Variants in SCN2A observed in about 807,000 individuals in gnomAD.
SCN2A encodes the protein sodium voltage-gated channel alpha subunit 2.
SCN2A carries 20 observed loss-of-function variants against 188.7 expected under a neutral mutation model. The ratio of observed to expected loss-of-function variants is 0.11; its 90% confidence interval spans 0.07 to 0.15. SCN2A has a LOEUF of 0.15. Ranked by LOEUF, SCN2A falls within the 10% of genes least tolerant of loss-of-function variation. The probability of loss-of-function intolerance (pLI) is 1.00; values close to 1 mark genes in which losing one functional copy is unlikely to be tolerated. For missense variants in SCN2A, 1,278 were observed against 2,445.0 expected (o/e 0.52, Z 10.07); for synonymous variants, 804 against 833.1 (o/e 0.97, Z 0.60).
Position 165,310,538 on chromosome 2 carries a change from A to G in SCN2A, c.913A>G (p.Thr305Ala). 6.2e-7 allele frequency: 1 copy of G among 1,612,990 alleles called. No homozygotes were observed. Among genetic ancestry groups the G allele is most frequent in the East Asian group, 2.2e-5 (1 of 44,872 alleles). Residue 305 changes from threonine (T) to alanine (A), a missense_variant, in exon 7 of 27, where the codon ACT (threonine) becomes GCT (alanine). Coordinates refer to ENST00000375437, the MANE Select transcript of SCN2A (RefSeq NM_001040142.2). The stretch of plus-strand genomic sequence containing the variant: ...TAACAATTCATTGGATGGGAATGGT[A>G]CTACTTTCAATAGGACAGTGAGCAT... The part of the protein sequence containing the change: ...FFNNSLDGNG[T>A]TFNRTVSIFN...
chr2:165,298,930 CA>C (rs3835931), intron 3 of SCN2A, among the ~76,000 whole-genome samples: 32,659 of 151,416 alleles, frequency 0.22, 3,870 homozygotes, highest in Non-Finnish European at 0.27. Context: ...GAATCAGATA[CA>C]AAAAAAGTGA....
intron 22 of SCN2A, 115 bp downstream of exon 22, chr2:165,375,081 A>G: frequency 3.3e-6 from 3 of 909,588 alleles, no homozygotes; most frequent in Admixed American, 4.3e-5. Context: ...CAGATAAATG[A>G]CAATAAATGC....
chr2:165,358,871 C>T (rs559114820), intron 17 of SCN2A, among the ~76,000 whole-genome samples: 1 of 152,196 alleles, frequency 6.6e-6, no homozygotes, highest in East Asian at 1.9e-4. Context: ...AACGTAACAT[C>T]ATTCTATGGG....
At chr2:165,318,882 A>G (rs1411408019) in intron 11 of SCN2A, among the ~76,000 whole-genome samples, 1 of 152,222 alleles carries the variant, frequency 6.6e-6, no homozygotes, top group Non-Finnish European at 1.5e-5. Flanking sequence ...AGGAGACACG[A>G]AAAAGGATGG....
At chr2:165,368,177 C>T (rs1700828856) in intron 19 of SCN2A, among the ~76,000 whole-genome samples, 1 of 152,120 alleles carries the variant, frequency 6.6e-6, no homozygotes, top group African/African-American at 2.4e-5. Flanking sequence ...TAATCTTCCC[C>T]TGGAGTCTGG....
At chr2:165,343,052 T>C (rs1157094712) in intron 15 of SCN2A, among the ~76,000 whole-genome samples, 2 of 152,228 alleles carry the variant, frequency 1.3e-5, no homozygotes, top group Non-Finnish European at 2.9e-5. Flanking sequence ...TTTGATCTTT[T>C]ATAAAAACTA....
chr2:165,350,607 A>G (rs987347579), intron 16 of SCN2A, among the ~76,000 whole-genome samples: 9 of 146,780 alleles, frequency 6.1e-5, no homozygotes, highest in Admixed American at 2.0e-4. Flanking sequence ...CAAGTAGCTG[A>G]GACTACAGGC....
intron 1 of SCN2A, among the ~76,000 whole-genome samples, chr2:165,256,080 A>T (rs1441072106): frequency 2.2e-5 from 3 of 136,074 alleles, no homozygotes; most frequent in Non-Finnish European, 4.5e-5. Context: ...GTCTCGGCTC[A>T]CTACAACCTC....
At chr2:165,262,521 C>T (rs1372818169) in intron 1 of SCN2A, among the ~76,000 whole-genome samples, 1 of 152,070 alleles carries the variant, frequency 6.6e-6, no homozygotes, top group Non-Finnish European at 1.5e-5. Flanking sequence ...TCTCCAATTC[C>T]ATCAAAATTG....
At chr2:165,329,720 T>C (rs1698572956) in intron 13 of SCN2A, among the ~76,000 whole-genome samples, 1 of 152,198 alleles carries the variant, frequency 6.6e-6, no homozygotes, top group African/African-American at 2.4e-5. Flanking sequence ...TTGTAGTTTC[T>C]TTTTTGTTAT....
At chr2:165,377,762 C>A (rs577049081) in intron 23 of SCN2A, 112 bp downstream of exon 23, 2 of 810,872 alleles carry the variant, frequency 2.5e-6, no homozygotes, top group Admixed American at 2.3e-5. Flanking sequence ...TTTATAAAAC[C>A]CATCTATATT....
chr2:165,263,700 C>G (rs1365070878), intron 1 of SCN2A, among the ~76,000 whole-genome samples: 1 of 151,850 alleles, frequency 6.6e-6, no homozygotes, highest in Non-Finnish European at 1.5e-5. Flanking sequence ...TATGCGGGCT[C>G]TTTTTATTTT....
intron 10 of SCN2A, among the ~76,000 whole-genome samples, 200 bp from the exon 11 acceptor site, chr2:165,315,271 C>T (rs1697669273): frequency 6.6e-6 from 1 of 152,082 alleles, no homozygotes; most frequent in Non-Finnish European, 1.5e-5. Flanking sequence ...TCATAAAAGT[C>T]GTATGTATCA....
intron 7 of SCN2A, chr2:165,310,818 C>T (rs867697197): frequency 3.7e-6 from 1 of 273,390 alleles, no homozygotes; most frequent in Non-Finnish European, 6.8e-6. Context: ...GTCTTATACT[C>T]ATGTTGAAAG....
Position 165,331,327 on chromosome 2 carries a change from C to T in SCN2A, c.2150-3C>T. ...ATGAGGATTCTAACTTTTTTTCTTC[C>T]AGAACTTGAAGAATCCAGACAGAAA... On this transcript the variant is annotated splice_polypyrimidine_tract_variant and splice_region_variant and intron_variant, in intron 13 of 26. Transcript: ENST00000375437. The T allele has an allele frequency of 6.2e-7, 1 of 1,607,136 alleles. No individual in the cohort carries two copies. Among genetic ancestry groups the T allele is most frequent in the Non-Finnish European group, 8.5e-7 (1 of 1,174,130 alleles).
chr2:165,257,455 G>A (rs182079225), intron 1 of SCN2A, among the ~76,000 whole-genome samples: 26 of 152,154 alleles, frequency 1.7e-4, no homozygotes, highest in Non-Finnish European at 7.4e-5. Context: ...TTTAATCATA[G>A]CCATTCTGAC....
At chr2:165,310,737 C>T in intron 7 of SCN2A, 142 bp downstream of exon 7, 1 of 515,322 alleles carries the variant, frequency 1.9e-6, no homozygotes, top group Non-Finnish European at 3.2e-6. Context: ...AAAGAGATAT[C>T]AAATGATACC....
rs1382710754 is a variant in SCN2A, at chr2:165,391,144, T to C, written c.*1320T>C. 1 of 152,564 alleles carries C rather than the reference T, an allele frequency of 6.6e-6. No individual in the cohort carries two copies. Among genetic ancestry groups the C allele is most frequent in the Non-Finnish European group, 1.5e-5 (1 of 67,998 alleles). The allele number at this position is 152,564 out of a possible 1,614,324, so 9.5% of individuals were successfully genotyped here. A position where few individuals can be genotyped will look rare whatever the true frequency, so the allele number is the denominator to read the frequency against. On this transcript the variant is annotated 3_prime_UTR_variant, in exon 27 of 27. Transcript: ENST00000375437. Reference sequence around the variant, plus strand: ...TTCCTTCCACTGTTCAGAAGTCTAATATGGGAAGCCATATATCAGTGGTAA... The same window carrying C: ...TTCCTTCCACTGTTCAGAAGTCTAACATGGGAAGCCATATATCAGTGGTAA...
At position 165,313,886 on chromosome 2, in the gene SCN2A, C is replaced by G. The variant is rs553983883; in HGVS notation, c.1177-16C>G. On this transcript the variant is annotated splice_polypyrimidine_tract_variant and intron_variant, in intron 9 of 26. Transcript: ENST00000375437. ...TCCTATATAAAATTTATTAAAATCT[C>G]TCTTCCATTTTGCAGACACTACGTG... The G allele has an allele frequency of 6.1e-5, 98 of 1,613,434 alleles. 1 individual carries two copies. The highest frequency in any genetic ancestry group is 2.5e-4 in the South Asian group (23 of 91,056).
Sources: gnomAD v4.1 joint callset for allele counts (sites outside exome capture counted in the v4.1 genomes callset) on GRCh38, gnomAD v4.1.1 for gene constraint, MANE v1.5 for transcripts, NCBI Gene and HGNC (gene_info 2026-07-23, HGNC 2026-07-21) for gene names.